The following CYFIP1 variants were observed in gnomAD, a reference collection of about 807,000 sequenced individuals.
The protein encoded by CYFIP1 is cytoplasmic FMR1-interacting protein 1.
CYFIP1 carries 58 observed loss-of-function variants against 163.5 expected under a neutral mutation model. The ratio of observed to expected loss-of-function variants is 0.35; its 90% CI spans 0.29 to 0.44. The LOEUF (loss-of-function observed/expected upper bound fraction) is 0.44. Among genes scored for constraint, CYFIP1 ranks in the 20% least tolerant of loss-of-function variants. The pLI is 1.00. For synonymous variants in CYFIP1, 663 were observed against 660.7 expected (o/e 1.00, Z -0.05); for missense variants, 1,338 against 1,653.8 (o/e 0.81, Z 3.31).
chr15:22,936,274 T>C (rs1295713908), intron 9 of CYFIP1, among the ~76,000 whole-genome samples: 1 of 151,952 alleles, frequency 6.6e-6, no homozygotes, highest in African/African-American at 2.4e-5. Flanking sequence ...AAAAACTCAC[T>C]TGTGTCCAAC....
chr15:22,923,942 CAAAAAAAAA>C (rs916058496), intron 13 of CYFIP1, among the ~76,000 whole-genome samples: 4 of 61,816 alleles, frequency 6.5e-5, no homozygotes, highest in African/African-American at 1.5e-4. Flanking sequence ...ACCTTGTCTC[CAAAAAAAAA>C]AAAAAAAAAA....
At chr15:22,969,859 A>T (rs1457034086) in intron 1 of CYFIP1, among the ~76,000 whole-genome samples, 2 of 152,214 alleles carry the variant, frequency 1.3e-5, no homozygotes, top group Non-Finnish European at 2.9e-5. Context: ...AAGTGGCAAT[A>T]CTAACATTAG....
chr15:22,977,231 T>C (rs972836605), intron 1 of CYFIP1, among the ~76,000 whole-genome samples: 7 of 151,988 alleles, frequency 4.6e-5, no homozygotes, highest in Non-Finnish European at 1.0e-4. Flanking sequence ...GGTCGCCTTC[T>C]GTGTGTTGAC....
intron 1 of CYFIP1, among the ~76,000 whole-genome samples, chr15:22,958,354 G>T (rs1355503731): frequency 6.6e-6 from 1 of 152,116 alleles, no homozygotes. Flanking sequence ...TCCAAGTGCT[G>T]GGATTACAGG....
intron 1 of CYFIP1, among the ~76,000 whole-genome samples, chr15:22,948,940 T>TCTACTA: frequency 6.6e-6 from 1 of 151,366 alleles, no homozygotes; most frequent in Admixed American, 6.6e-5. Flanking sequence ...AGAGAGAAGG[T>TCTACTA]CTAACATCTG....
chr15:22,879,113 G>A (rs2059672983), intron 26 of CYFIP1, among the ~76,000 whole-genome samples: 1 of 150,576 alleles, frequency 6.6e-6, no homozygotes, highest in Admixed American at 6.6e-5. Flanking sequence ...TCCAGCCGGG[G>A]TGACAGAGCA....
chr15:22,913,297 G>A (rs1327239480), intron 17 of CYFIP1, among the ~76,000 whole-genome samples: 1 of 151,598 alleles, frequency 6.6e-6, no homozygotes, highest in Non-Finnish European at 1.5e-5. Flanking sequence ...GGGAGGCCGA[G>A]GTGGGCGGAT....
chr15:22,921,095 C>T (rs942687172), intron 13 of CYFIP1, among the ~76,000 whole-genome samples: 1 of 152,130 alleles, frequency 6.6e-6, no homozygotes, highest in African/African-American at 2.4e-5. Flanking sequence ...AGCACCCGGG[C>T]GCAGTGGCTC....
At chr15:22,903,488 A>C (rs1465318103) in intron 22 of CYFIP1, among the ~76,000 whole-genome samples, 2 of 152,204 alleles carry the variant, frequency 1.3e-5, no homozygotes, top group African/African-American at 4.8e-5. Context: ...AGCCCCACGC[A>C]AGCCCCACGT....
rs569101319 is a variant in CYFIP1, at chr15:22,937,058, T to G, written c.900+46A>C. The G allele has an allele frequency of 1.9e-5, 25 of 1,340,762 alleles. No individual in the cohort carries two copies. In the South Asian group the frequency reaches 2.8e-4, roughly 15 times the overall value. 83.1% of individuals were successfully genotyped at this position (1,340,762 alleles called of 1,614,324 possible). On this transcript the variant is annotated intron_variant, in intron 9 of 30. Coordinates refer to ENST00000617928, the MANE Select transcript of CYFIP1 (RefSeq NM_014608.6). ...GGGCTCACTTCCCCAAAATTCAAAG[T>G]GCACACAAATCAATAAAAACATTGA...
At chr15:22,974,941 C>T (rs1009566752) in intron 1 of CYFIP1, among the ~76,000 whole-genome samples, 3 of 150,638 alleles carry the variant, frequency 2.0e-5, no homozygotes, top group African/African-American at 7.3e-5. Context: ...CTTTGCCACC[C>T]CCAAGACAGC....
In CYFIP1 at chr15:22,957,165, G is replaced by A. The variant is rs1000608776; in HGVS notation, c.-6-9874C>T. On this transcript the variant is annotated intron_variant, in intron 1 of 30. Transcript: ENST00000617928. ...AGACAGGTGGAGAGATGCTTTGCTA[G>A]AAAGAGGGTCTTCCCAGCATTTCTA... Among the ~76,000 whole-genome samples the A allele has an allele frequency of 1.3e-4, 20 of 152,362 alleles. 1 individual carries two copies. Among genetic ancestry groups the A allele is most frequent in the Admixed American group, 1.1e-3 (17 of 15,314 alleles).
At chr15:22,926,398 C>A (rs534522253) in intron 12 of CYFIP1, among the ~76,000 whole-genome samples, 57 of 152,298 alleles carry the variant, frequency 3.7e-4, no homozygotes, top group Non-Finnish European at 7.5e-4. Flanking sequence ...CTGGGCCAGG[C>A]ACAGTGGCTC....
intron 9 of CYFIP1, among the ~76,000 whole-genome samples, chr15:22,935,778 G>A (rs1437468108): frequency 1.3e-5 from 2 of 152,124 alleles, no homozygotes; most frequent in African/African-American, 4.8e-5. Context: ...GATCTTAAGT[G>A]TTCTCATCAC....
At chr15:22,903,389 T>C (rs1025761019) in intron 22 of CYFIP1, among the ~76,000 whole-genome samples, 1 of 152,088 alleles carries the variant, frequency 6.6e-6, no homozygotes, top group African/African-American at 2.4e-5. Context: ...GGAGGGTGGC[T>C]TCCCCACACT....
chr15:22,946,558 T>C (rs1353936289), intron 3 of CYFIP1, among the ~76,000 whole-genome samples: 3 of 152,128 alleles, frequency 2.0e-5, no homozygotes, highest in Non-Finnish European at 2.9e-5. Context: ...CAAGAACTGC[T>C]TGAACCTGGG....
At chr15:22,959,285 GTTTAAAA>G (rs2062592698) in intron 1 of CYFIP1, among the ~76,000 whole-genome samples, 1 of 152,218 alleles carries the variant, frequency 6.6e-6, no homozygotes, top group Admixed American at 6.5e-5. Flanking sequence ...TCCAGTGCAT[GTTTAAAA>G]GGCACAAAGG....
At chr15:22,908,732 T>C (rs1271718987) in intron 21 of CYFIP1, among the ~76,000 whole-genome samples, 1 of 151,928 alleles carries the variant, frequency 6.6e-6, no homozygotes, top group Non-Finnish European at 1.5e-5. Context: ...TTTCACTATG[T>C]TGGCCAGGCT....
chr15:22,976,189 G>A (rs967114048), intron 1 of CYFIP1, among the ~76,000 whole-genome samples: 3 of 150,152 alleles, frequency 2.0e-5, no homozygotes, highest in Non-Finnish European at 4.4e-5. Flanking sequence ...ACGGAGTCTC[G>A]CTCTGTTGCC....
Sources: gnomAD v4.1 joint callset for allele counts (sites outside exome capture counted in the v4.1 genomes callset) on GRCh38, gnomAD v4.1.1 for gene constraint, MANE v1.5 for transcripts, NCBI Gene and HGNC (gene_info 2026-07-23, HGNC 2026-07-21) for gene names.